The following YLPM1 variants were observed in gnomAD, a reference collection of about 807,000 sequenced individuals.
YLPM1 encodes YLP motif containing 1.
YLPM1 carries 99 observed loss-of-function variants against 230.0 expected under a neutral mutation model. The observed-to-expected ratio is 0.43, with a 90% confidence interval of 0.37 to 0.51. The LOEUF is 0.51. YLPM1 is among the 20% of genes least tolerant of loss of function. YLPM1 has a pLI of 0.00. For synonymous variants in YLPM1, 984 were observed against 942.5 expected (o/e 1.04, Z -0.81); for missense variants, 2,592 against 2,707.7 (o/e 0.96, Z 0.95).
At chr14:74,821,964 C>A (rs1037531662) in intron 17 of YLPM1, 1 of 152,068 alleles carries the variant, frequency 6.6e-6, no homozygotes, top group Non-Finnish European at 1.5e-5. Context: ...ATTCCTACCC[C>A]CTAGAGTATA....
At chr14:74,766,231 A>G (rs978677508) in intron 1 of YLPM1, among the ~76,000 whole-genome samples, 1 of 152,156 alleles carries the variant, frequency 6.6e-6, no homozygotes, top group African/African-American at 2.4e-5. Flanking sequence ...TAGACTTAGG[A>G]TATGTTGGTT....
At chr14:74,810,482 T>C in intron 9 of YLPM1, 62 bp downstream of exon 9, 1 of 1,507,654 alleles carries the variant, frequency 6.6e-7, no homozygotes, top group African/African-American at 1.4e-5. Flanking sequence ...AGTAAAAGTT[T>C]AAGAGAAATT....
chr14:74,834,703 C>T (rs929916846), intron 19 of YLPM1, among the ~76,000 whole-genome samples: 6 of 152,072 alleles, frequency 3.9e-5, no homozygotes, highest in African/African-American at 1.2e-4. Context: ...TGAAATGGTG[C>T]GATGCGCTCT....
At chr14:74,821,879 G>A (rs1423438425) in intron 17 of YLPM1, 1 of 152,010 alleles carries the variant, frequency 6.6e-6, no homozygotes. Context: ...AATATTACTC[G>A]GTTTATTTAA....
chr14:74,829,831 G>A (rs1230886896), intron 19 of YLPM1, among the ~76,000 whole-genome samples: 3 of 152,326 alleles, frequency 2.0e-5, no homozygotes, highest in Admixed American at 6.5e-5. Context: ...TTTAAGTTCT[G>A]TGAGAGAAAT....
At chr14:74,805,683 TTCAG>T (rs1421480777) in intron 6 of YLPM1, among the ~76,000 whole-genome samples, 1 of 151,424 alleles carries the variant, frequency 6.6e-6, no homozygotes, top group Non-Finnish European at 1.5e-5. Context: ...AGTGGGACAC[TTCAG>T]TCAAAGAATA....
In YLPM1 at chr14:74,781,779, C is replaced by T. The variant is rs2091096282; in HGVS notation, c.1736C>T (p.Pro579Leu). The change falls in exon 4 of 21, where the codon CCT becomes CTT. Residue 579 changes from proline to leucine, a missense_variant. This residue lies in a region of YLPM1 where 1,862 missense variants were observed against 1,819.8 expected (regional missense o/e 1.02). Coordinates refer to ENST00000325680, the MANE Select transcript of YLPM1 (RefSeq NM_019589.3). ...ACCTCTGTTCCCCCACCAGGGATGC[C>T]TCCTTCTCTCTCTTCTGCAGGGCCA... ...LPTSVPPPGMPPSLSSAGPPP... is the reference protein window; with the variant it reads ...LPTSVPPPGMLPSLSSAGPPP... 1 of 1,611,818 alleles carries T rather than the reference C, an allele frequency of 6.2e-7. No homozygotes were observed. Among genetic ancestry groups the T allele is most frequent in the Non-Finnish European group, 8.5e-7 (1 of 1,179,234 alleles).
chr14:74,772,413 T>C (rs2090986787), intron 1 of YLPM1, among the ~76,000 whole-genome samples: 1 of 151,680 alleles, frequency 6.6e-6, no homozygotes, highest in African/African-American at 2.4e-5. Context: ...TGAAGTGCAG[T>C]GGCGCGAGGA....
At position 74,836,233 on chromosome 14, in the gene YLPM1, T is replaced by G. The variant is rs1479558131; in HGVS notation, c.*495T>G. The G allele has an allele frequency of 6.4e-6, 1 of 157,108 alleles. No individual in the cohort carries two copies. The highest frequency in any genetic ancestry group is 2.4e-5 in the African/African-American group (1 of 41,502). 9.7% of individuals were successfully genotyped at this position (157,108 alleles called of 1,614,324 possible). ...TTTTCTTAATTTTATTTTTAATTGC[T>G]TTTTAAATATGGTATGTCCTAATTA... On this transcript the variant is annotated 3_prime_UTR_variant, in exon 21 of 21. Transcript: ENST00000325680.
At position 74,835,274 on chromosome 14, in the gene YLPM1, G is replaced by T. The variant is rs747847615; in HGVS notation, c.6304G>T (p.Ala2102Ser). 1 of 1,613,522 alleles carries T rather than the reference G, an allele frequency of 6.2e-7. No homozygotes were observed. Among genetic ancestry groups the T allele is most frequent in the East Asian group, 2.2e-5 (1 of 44,868 alleles). The part of the protein sequence containing the change: ...SEPGKKRVRW[A>S]DLEEKKDADR... The stretch of plus-strand genomic sequence containing the variant: ...GCTATGTTCTTTTTAGGTCAGATGG[G>T]CAGACCTGGAAGAGAAGAAGGATGC... Residue 2102 changes from alanine (A) to serine (S), a missense_variant, in exon 20 of 21, where the codon GCA (alanine) becomes TCA (serine). Ala to Ser is a moderately conservative substitution (Grantham distance 99). Around this residue, in one of 4 missense-constraint regions of YLPM1, gnomAD observed 315 missense variants for 429.3 expected, o/e 0.73. Coordinates refer to ENST00000325680, the MANE Select transcript of YLPM1 (RefSeq NM_019589.3).
intron 16 of YLPM1, among the ~76,000 whole-genome samples, chr14:74,819,273 CTTT>C (rs199554037): frequency 2.5e-5 from 3 of 119,778 alleles, no homozygotes; most frequent in South Asian, 2.6e-4. Context: ...TGTCATTGTG[CTTT>C]TTTTTTTTTT....
chr14:74,812,711 G>T lies in YLPM1; in HGVS notation c.5431G>T (p.Glu1811Ter). The change falls in exon 11 of 21, where the codon GAG becomes TAG. Residue 1811 changes from glutamate to a stop codon, truncating the protein, a stop_gained. Coordinates refer to ENST00000325680, the MANE Select transcript of YLPM1 (RefSeq NM_019589.3). LOFTEE classifies it high-confidence loss of function. ...CCAGCCTCCTCCAGCTCCACGAGTC[G>T]AGAAGAAGCCTGAATCAAAGAATGT... ...SHQPPPAPRV[E>*]KKPESKNVDD... 1 of 1,613,420 alleles carries T rather than the reference G, an allele frequency of 6.2e-7. No individual in the cohort carries two copies. Among genetic ancestry groups the T allele is most frequent in the Non-Finnish European group, 8.5e-7 (1 of 1,179,662 alleles).
At chr14:74,818,865 A>G (rs969684132) in intron 16 of YLPM1, among the ~76,000 whole-genome samples, 2 of 152,068 alleles carry the variant, frequency 1.3e-5, no homozygotes, top group African/African-American at 4.8e-5. Flanking sequence ...AGAATTTATG[A>G]AGAGTATAGG....
chr14:74,833,547 CT>C (rs1171501756), intron 19 of YLPM1, among the ~76,000 whole-genome samples: 2 of 152,194 alleles, frequency 1.3e-5, no homozygotes, highest in African/African-American at 4.8e-5. Context: ...GCCACTGTGC[CT>C]GGCTGTATAT....
Position 74,782,286 on chromosome 14 carries a change from C to T in YLPM1, c.2243C>T (p.Pro748Leu), listed in dbSNP as rs1426978471. The change falls in exon 4 of 21, where the codon CCT (proline) becomes CTT (leucine). Residue 748 changes from proline to leucine, a missense_variant. By Grantham distance (98) the Pro-to-Leu change is moderately conservative. This residue lies in a region of YLPM1 where 1,862 missense variants were observed against 1,819.8 expected (regional missense o/e 1.02). Transcript: ENST00000325680. ...AGATCAGGTGGCCTGCTTCCAGATC[C>T]TCCTAGAAGTAGTTACTTGGAAAGT... ...PVRSGGLLPDPPRSSYLESPR... is the reference protein window; with the variant it reads ...PVRSGGLLPDLPRSSYLESPR... 2 of 1,547,628 alleles carry T rather than the reference C, an allele frequency of 1.3e-6. No individual in the cohort carries two copies. Among genetic ancestry groups the T allele is most frequent in the Non-Finnish European group, 1.7e-6 (2 of 1,158,626 alleles).
intron 9 of YLPM1, 47 bp downstream of exon 9, chr14:74,810,467 T>G (rs1474799707): frequency 2.6e-6 from 4 of 1,554,844 alleles, no homozygotes; most frequent in African/African-American, 1.4e-5. Context: ...TACTGTATAC[T>G]TAACAGTAAA....
At chr14:74,790,028 T>A (rs2091191099) in intron 4 of YLPM1, among the ~76,000 whole-genome samples, 1 of 152,180 alleles carries the variant, frequency 6.6e-6, no homozygotes, top group Non-Finnish European at 1.5e-5. Context: ...GTCTTGATTA[T>A]TCTTATTAGA....
chr14:74,824,689 A>G (rs936623899), intron 18 of YLPM1, among the ~76,000 whole-genome samples: 22 of 152,042 alleles, frequency 1.4e-4, no homozygotes, highest in African/African-American at 5.3e-4. Flanking sequence ...AGATAATAAA[A>G]ATAATATAAA....
chr14:74,812,054 C>A (rs956781574), intron 10 of YLPM1, among the ~76,000 whole-genome samples: 6 of 152,162 alleles, frequency 3.9e-5, no homozygotes, highest in African/African-American at 1.4e-4. Flanking sequence ...AATACAATTT[C>A]TTTATCGTGA....
Sources: gnomAD v4.1 joint callset for allele counts (sites outside exome capture counted in the v4.1 genomes callset) on GRCh38, gnomAD v4.1.1 for gene constraint, gnomAD v4.1.1 regional missense constraint, MANE v1.5 for transcripts, NCBI Gene and HGNC (gene_info 2026-07-23, HGNC 2026-07-21) for gene names.